Variants in MYCBP2 observed in about 807,000 individuals in gnomAD.
MYCBP2 encodes E3 ubiquitin-protein ligase MYCBP2.
A neutral mutation model predicts 525.3 loss-of-function variants in MYCBP2; 120 were observed. The observed-to-expected ratio is 0.23, with a 90% CI of 0.20 to 0.27. The LOEUF (loss-of-function observed/expected upper bound fraction) is 0.27, where lower values mean the gene tolerates loss of function less well. Ranked by LOEUF, MYCBP2 falls within the 10% of genes least tolerant of loss-of-function variation. MYCBP2 has a pLI of 1.00. For synonymous variants in MYCBP2, 1,894 were observed against 1,955.8 expected (o/e 0.97, Z 0.83); for missense variants, 4,149 against 5,657.1 (o/e 0.73, Z 8.55).
At chr13:77,182,777 C>T (rs554906748) in intron 32 of MYCBP2, among the ~76,000 whole-genome samples, 6 of 152,216 alleles carry the variant, frequency 3.9e-5, no homozygotes, top group Non-Finnish European at 7.4e-5. Flanking sequence ...GGCGGGGAGG[C>T]CTAGGACTTC....
chr13:77,077,783 T>A (rs1000622555), intron 66 of MYCBP2: 2 of 158,204 alleles, frequency 1.3e-5, no homozygotes, highest in Non-Finnish European at 2.8e-5. Context: ...GTTCTTTTTT[T>A]GTGCATCCTC....
chr13:77,227,109 G>T (rs1276165415), intron 18 of MYCBP2, among the ~76,000 whole-genome samples: 1 of 152,004 alleles, frequency 6.6e-6, no homozygotes, highest in Non-Finnish European at 1.5e-5. Flanking sequence ...TGAGCCCTTG[G>T]TTTGAAAAGC....
Position 77,258,783 on chromosome 13 carries a change from C to A in MYCBP2, c.2018-954G>T, listed in dbSNP as rs183851426. Among the ~76,000 whole-genome samples the A allele has an allele frequency of 5.3e-5, 8 of 152,246 alleles. No homozygotes were observed. The East Asian group carries it at 1.3e-3, about 26-fold the overall frequency. On this transcript the variant is annotated intron_variant, in intron 13 of 82. Transcript: ENST00000544440. ...CTAGCTGACATGCTTTGAGACCTTA[C>A]ATGATGTGCTAAGCATTTCTTAAGT...
intron 44 of MYCBP2, 139 bp from the exon 45 acceptor site, chr13:77,158,248 A>T: frequency 2.1e-6 from 1 of 482,396 alleles, no homozygotes; most frequent in Non-Finnish European, 3.4e-6. Context: ...TCCTTCTTTT[A>T]ACCCACAGAA....
rs780710449 is a variant in MYCBP2, at chr13:77,185,853, A to T, written c.4444+18T>A. The T allele has an allele frequency of 8.1e-6, 12 of 1,487,116 alleles. No individual in the cohort carries two copies. Among genetic ancestry groups the T allele is most frequent in the Non-Finnish European group, 1.1e-5 (12 of 1,107,274 alleles). The allele number at this position is 1,487,116 out of a possible 1,614,324, so 92.1% of individuals were successfully genotyped here. A position where few individuals can be genotyped will look rare whatever the true frequency, so the allele number is the denominator to read the frequency against. ...TAATATTTTCTCCCTATAGTCATTT[A>T]AAAAAAATGCATCATACCTGACACT... On this transcript the variant is annotated intron_variant, in intron 31 of 82. Coordinates refer to ENST00000544440, the MANE Select transcript of MYCBP2 (RefSeq NM_015057.5).
rs566423592 is a variant in MYCBP2 at position 77,265,013 on chromosome 13, A to G, written c.1358-1011T>C. Among the ~76,000 whole-genome samples, 71 of 152,242 alleles carry G rather than the reference A, an allele frequency of 4.7e-4. 1 individual carries two copies. Among genetic ancestry groups the G allele is most frequent in the Admixed American group, 4.2e-3 (64 of 15,280 alleles). ...CAAAACATAAAATTCTGATTTTGAA[A>G]TGCAGTAATGGAGCCCACCCGAATA... On this transcript the variant is annotated intron_variant, in intron 8 of 82. Coordinates refer to ENST00000544440, the MANE Select transcript of MYCBP2 (RefSeq NM_015057.5).
At chr13:77,177,693 A>G in intron 35 of MYCBP2, 55 bp downstream of exon 35, 1 of 1,393,158 alleles carries the variant, frequency 7.2e-7, no homozygotes, top group African/African-American at 1.4e-5. Context: ...TGACAATGGT[A>G]AATCCTGATA....
chr13:77,246,099 C>T (rs1246268203), intron 15 of MYCBP2, among the ~76,000 whole-genome samples: 1 of 152,122 alleles, frequency 6.6e-6, no homozygotes. Context: ...GAAGGTATAG[C>T]TTTAATGTAG....
intron 1 of MYCBP2, among the ~76,000 whole-genome samples, chr13:77,300,250 T>C (rs2078631179): frequency 6.6e-6 from 1 of 152,150 alleles, no homozygotes; most frequent in African/African-American, 2.4e-5. Flanking sequence ...CCTGAGCCTG[T>C]GATGTAAAGC....
Position 77,168,504 on chromosome 13 carries a change from G to T in MYCBP2, c.6038C>A (p.Ala2013Asp). Residue 2013 changes from alanine to aspartate, a missense_variant, in exon 40 of 83, where the codon GCT becomes GAT. Coordinates refer to ENST00000544440, the MANE Select transcript of MYCBP2 (RefSeq NM_015057.5). The stretch of plus-strand genomic sequence containing the variant: ...AGCATAGTGACTGGAGGTTGTACAA[G>T]CAGAGAGGCCCTGTTCAGGCTGGTT... Reference protein sequence around the residue: ...TGNQPEQGLSACTTSSHYAVI... With the variant: ...TGNQPEQGLSDCTTSSHYAVI... 6.2e-7 allele frequency: 1 copy of T among 1,614,094 alleles called. No individual in the cohort carries two copies. Among genetic ancestry groups the T allele is most frequent in the Non-Finnish European group, 8.5e-7 (1 of 1,180,020 alleles).
intron 4 of MYCBP2, among the ~76,000 whole-genome samples, chr13:77,274,778 C>T (rs1418025963): frequency 1.3e-5 from 2 of 152,118 alleles, no homozygotes; most frequent in African/African-American, 4.8e-5. Flanking sequence ...GCCCCAATAG[C>T]CAGGGAGAAT....
chr13:77,214,053 A>G (rs1037665834), intron 21 of MYCBP2, among the ~76,000 whole-genome samples: 4 of 152,270 alleles, frequency 2.6e-5, no homozygotes, highest in African/African-American at 7.2e-5. Flanking sequence ...TTAACCTTCA[A>G]TGCCAAAATA....
chr13:77,166,044 C>T (rs973753721), intron 41 of MYCBP2, among the ~76,000 whole-genome samples: 4 of 152,094 alleles, frequency 2.6e-5, no homozygotes, highest in Non-Finnish European at 5.9e-5. Flanking sequence ...AATTTGGACC[C>T]AACTACACAG....
chr13:77,146,093 C>A, intron 48 of MYCBP2, 69 bp downstream of exon 48: 3 of 979,730 alleles, frequency 3.1e-6, no homozygotes, highest in Non-Finnish European at 4.5e-6. Flanking sequence ...AGTTGAAATG[C>A]AGGATGATTT....
At chr13:77,253,910 A>T (rs2071673058) in intron 14 of MYCBP2, among the ~76,000 whole-genome samples, 2 of 151,986 alleles carry the variant, frequency 1.3e-5, no homozygotes, top group African/African-American at 4.8e-5. Context: ...CATCAGAGAA[A>T]GTCTCACAGG....
intron 13 of MYCBP2, 41 bp downstream of exon 13, chr13:77,260,387 G>A (rs1004355483): frequency 6.9e-7 from 1 of 1,447,222 alleles, no homozygotes; most frequent in Admixed American, 2.4e-5. Context: ...AACTAGTATT[G>A]AAACTTCTTT....
intron 17 of MYCBP2, among the ~76,000 whole-genome samples, chr13:77,239,053 G>C (rs981546528): frequency 2.0e-5 from 3 of 152,158 alleles, no homozygotes; most frequent in Non-Finnish European, 4.4e-5. Flanking sequence ...CCGAGAGGCG[G>C]AGGTTGCAGT....
Position 77,061,669 on chromosome 13 carries a change from T to C in MYCBP2, c.12896A>G (p.Gln4299Arg). The change falls in exon 75 of 83, where the codon CAA becomes CGA. Residue 4299 changes from glutamine to arginine, a missense_variant. Around this residue, in one of 21 missense-constraint regions of MYCBP2, gnomAD observed 220 missense variants for 396.0 expected, o/e 0.56. Coordinates refer to ENST00000544440, the MANE Select transcript of MYCBP2 (RefSeq NM_015057.5). ...AGAGACAAAAATCTTCACCTGTCTT[T>C]GATGAGTTTTGGTTCTTCGATGAAG... ...LHLHRRTKTH[Q>R]RQVFKEEEEA... is the part of the protein sequence containing the mutation. The C allele has an allele frequency of 6.2e-7, 1 of 1,609,806 alleles. No individual in the cohort carries two copies. The highest frequency in any genetic ancestry group is 8.5e-7 in the Non-Finnish European group (1 of 1,178,984).
At chr13:77,087,678 G>C in intron 61 of MYCBP2, 45 bp from the exon 62 acceptor site, 1 of 1,524,064 alleles carries the variant, frequency 6.6e-7, no homozygotes, top group Non-Finnish European at 8.9e-7. Flanking sequence ...AAATACATGA[G>C]TTTAAAAAGT....
Sources: gnomAD v4.1 joint callset for allele counts (sites outside exome capture counted in the v4.1 genomes callset) on GRCh38, gnomAD v4.1.1 for gene constraint, gnomAD v4.1.1 regional missense constraint, MANE v1.5 for transcripts, NCBI Gene and HGNC (gene_info 2026-07-23, HGNC 2026-07-21) for gene names.